The following CHD7 variants were observed in gnomAD, a reference collection of about 807,000 sequenced individuals.
CHD7 encodes chromodomain helicase DNA binding protein 7.
Under a neutral mutation model 307.3 loss-of-function variants are expected in CHD7, and 24 were observed. The ratio of observed to expected loss-of-function variants is 0.08; its 90% CI spans 0.06 to 0.11. The LOEUF is 0.11. Ranked by LOEUF, CHD7 falls within the 10% of genes least tolerant of loss-of-function variation. The pLI, the probability that CHD7 is intolerant of heterozygous loss-of-function variation, is 1.00. For missense variants in CHD7, 3,106 were observed against 3,727.1 expected, an observed-to-expected ratio of 0.83 and a Z score of 4.34; for synonymous variants, 1,363 against 1,349.9, an observed-to-expected ratio of 1.01 and a Z score of -0.21.
chr8:60,764,851 G>T (rs574834302), intron 2 of CHD7, among the ~76,000 whole-genome samples: 1 of 152,174 alleles, frequency 6.6e-6, no homozygotes, highest in Non-Finnish European at 1.5e-5. Flanking sequence ...AGAAACTTAC[G>T]CAGACATAGT....
intron 3 of CHD7, among the ~76,000 whole-genome samples, chr8:60,782,854 G>A (rs993649415): frequency 4.6e-5 from 7 of 152,186 alleles, no homozygotes; most frequent in Admixed American, 4.6e-4. Flanking sequence ...TTATGAGGTA[G>A]TTTAAAAAAT....
chr8:60,849,296 A>G (rs1805350638), intron 25 of CHD7, 142 bp downstream of exon 25: 3 of 528,856 alleles, frequency 5.7e-6, no homozygotes, highest in South Asian at 3.3e-5. Context: ...TTTCTGTACT[A>G]AAAATCTAAT....
At chr8:60,858,557 A>C (rs1331823661) in intron 34 of CHD7, among the ~76,000 whole-genome samples, 1 of 152,018 alleles carries the variant, frequency 6.6e-6, no homozygotes, top group Non-Finnish European at 1.5e-5. Flanking sequence ...TGCAGCTGAC[A>C]CTTCTTTTTG....
chr8:60,688,556 G>A (rs1010462270), intron 1 of CHD7, among the ~76,000 whole-genome samples: 1 of 152,182 alleles, frequency 6.6e-6, no homozygotes, highest in Non-Finnish European at 1.5e-5. Context: ...TTGTCCATCA[G>A]TGCAACCAGA....
At chr8:60,730,846 C>T (rs370366026) in intron 1 of CHD7, among the ~76,000 whole-genome samples, 111 of 149,168 alleles carry the variant, frequency 7.4e-4, no homozygotes, top group African/African-American at 2.3e-3. Flanking sequence ...GGCGACAGAG[C>T]GAGACTCTGT....
At chr8:60,759,767 A>G (rs983569422) in intron 2 of CHD7, among the ~76,000 whole-genome samples, 7 of 152,294 alleles carry the variant, frequency 4.6e-5, no homozygotes, top group East Asian at 3.9e-4. Flanking sequence ...CATGTGTTAA[A>G]TAATGAGTTT....
chr8:60,738,482 G>C (rs1808820440), intron 1 of CHD7, among the ~76,000 whole-genome samples: 1 of 149,754 alleles, frequency 6.7e-6, no homozygotes, highest in Non-Finnish European at 1.5e-5. Flanking sequence ...TAGACGAGAG[G>C]GAAGCTTTCA....
At chr8:60,692,415 A>G (rs1016744668) in intron 1 of CHD7, among the ~76,000 whole-genome samples, 1 of 152,234 alleles carries the variant, frequency 6.6e-6, no homozygotes, top group Non-Finnish European at 1.5e-5. Flanking sequence ...TCTGGTTTAA[A>G]TGGTACATGT....
chr8:60,757,418 CTCTT>C (rs1056125853), intron 2 of CHD7, among the ~76,000 whole-genome samples: 3 of 152,122 alleles, frequency 2.0e-5, no homozygotes, highest in African/African-American at 7.2e-5. Flanking sequence ...AAAAAAAATT[CTCTT>C]TTTCAGTTTG....
chr8:60,785,737 G>A (rs1463663251), intron 3 of CHD7, among the ~76,000 whole-genome samples: 1 of 152,034 alleles, frequency 6.6e-6, no homozygotes, highest in African/African-American at 2.4e-5. Context: ...AGTTTTGGTA[G>A]TAAGTACAAA....
In CHD7 at chr8:60,842,063, C is replaced by T. The variant is rs771785767; in HGVS notation, c.4850+11C>T. 26 of 1,600,514 alleles carry T rather than the reference C, an allele frequency of 1.6e-5. No individual in the cohort carries two copies. The South Asian group carries it at 2.8e-4, about 17-fold the overall frequency. On this transcript the variant is annotated intron_variant, in intron 21 of 37. Transcript: ENST00000423902. ...TCTGCTTGTCTATGGGTAAGTAGGA[C>T]TCACTACGTAAGATAGAATTTTATT... is the stretch of plus-strand genomic sequence containing the variant.
intron 13 of CHD7, among the ~76,000 whole-genome samples, chr8:60,827,936 A>G (rs1804329978): frequency 6.6e-6 from 1 of 152,130 alleles, no homozygotes; most frequent in African/African-American, 2.4e-5. Context: ...CTTAAGATTA[A>G]TATCTCACTA....
chr8:60,711,259 A>G (rs1240732373), intron 1 of CHD7, among the ~76,000 whole-genome samples: 1 of 152,242 alleles, frequency 6.6e-6, no homozygotes, highest in Non-Finnish European at 1.5e-5. Flanking sequence ...ACAATTTTAA[A>G]GGAAAAAGTG....
At chr8:60,683,868 G>A (rs1466108248) in intron 1 of CHD7, among the ~76,000 whole-genome samples, 2 of 151,370 alleles carry the variant, frequency 1.3e-5, no homozygotes, top group Non-Finnish European at 2.9e-5. Flanking sequence ...AACTCTTAAA[G>A]ATGTTCCTAA....
intron 7 of CHD7, among the ~76,000 whole-genome samples, chr8:60,814,098 C>A (rs1194996673): frequency 1.3e-5 from 2 of 152,138 alleles, no homozygotes; most frequent in Non-Finnish European, 2.9e-5. Context: ...TAGTTCTAGT[C>A]CAGTTAGGAC....
chr8:60,863,167 T>G (rs1428661097), intron 37 of CHD7: 2 of 153,336 alleles, frequency 1.3e-5, no homozygotes, highest in African/African-American at 4.8e-5. Flanking sequence ...AACACACGTG[T>G]GAGTTTGTGA....
chr8:60,753,293 G>T (rs150323792), intron 2 of CHD7, among the ~76,000 whole-genome samples: 79 of 152,234 alleles, frequency 5.2e-4, no homozygotes, highest in Middle Eastern at 3.4e-3. Flanking sequence ...GGAATAAGGC[G>T]CTGTGGGAAC....
intron 16 of CHD7, 79 bp downstream of exon 16, chr8:60,836,362 T>C (rs1804741995): frequency 1.7e-6 from 2 of 1,179,412 alleles, no homozygotes; most frequent in East Asian, 5.1e-5. Context: ...CACCTAAAAG[T>C]GGAATCTATG....
rs1199748706 is a variant in CHD7 at position 60,678,922 on chromosome 8, G to C, written c.-335G>C. The C allele has an allele frequency of 1.3e-5, 2 of 152,412 alleles. No homozygotes were observed. The highest frequency in any genetic ancestry group is 1.9e-4 in the East Asian group (1 of 5,142). 9.4% of individuals were successfully genotyped at this position (152,412 alleles called of 1,614,324 possible). Reference sequence around the variant, plus strand: ...AGCGCCGCGGAGGAGGCGGCCCGGGGACCCGGACACCCTGAAACTCACCAG... The same window carrying C: ...AGCGCCGCGGAGGAGGCGGCCCGGGCACCCGGACACCCTGAAACTCACCAG... On this transcript the variant is annotated 5_prime_UTR_variant, in exon 1 of 38. Transcript: ENST00000423902.
Sources: gnomAD v4.1 joint callset for allele counts (sites outside exome capture counted in the v4.1 genomes callset) on GRCh38, gnomAD v4.1.1 for gene constraint, MANE v1.5 for transcripts, NCBI Gene and HGNC (gene_info 2026-07-23, HGNC 2026-07-21) for gene names.